The following CHST9 variants were observed in gnomAD, a reference collection of about 807,000 sequenced individuals.
CHST9 encodes GalNAc-4-sulfotransferase 2.
Under a neutral mutation model 44.4 loss-of-function variants are expected in CHST9, and 41 were observed. That is an observed-to-expected ratio of 0.92 (90% confidence interval 0.72 to 1.20). The LOEUF is 1.20. Among genes scored for constraint, CHST9 ranks in the 50% most tolerant of loss-of-function variants. The pLI is 0.00. For missense variants in CHST9, 504 were observed against 516.5 expected, an observed-to-expected ratio of 0.98 and a Z score of 0.23; for synonymous variants, 171 against 178.4, an observed-to-expected ratio of 0.96 and a Z score of 0.33.
At chr18:26,999,879 T>C (rs16943146) in intron 4 of CHST9, among the ~76,000 whole-genome samples, 2,927 of 152,318 alleles carry the variant, frequency 0.019, 110 homozygotes, top group African/African-American at 0.067. Flanking sequence ...ATCAGTTTAG[T>C]TGGGTACTTA....
At chr18:27,146,604 G>C (rs1430440246) in intron 1 of CHST9, among the ~76,000 whole-genome samples, 1 of 152,196 alleles carries the variant, frequency 6.6e-6, no homozygotes, top group Non-Finnish European at 1.5e-5. Flanking sequence ...CATTTCTACA[G>C]CCAAAGGCTT....
At chr18:26,952,333 T>C in intron 4 of CHST9, 1 of 507,602 alleles carries the variant, frequency 2.0e-6, no homozygotes, top group Non-Finnish European at 3.9e-6. Context: ...CCACCAACTA[T>C]GTCCTCAGGC....
intron 4 of CHST9, among the ~76,000 whole-genome samples, chr18:26,984,501 A>G (rs1033266037): frequency 3.9e-5 from 6 of 152,128 alleles, no homozygotes; most frequent in Non-Finnish European, 7.4e-5. Flanking sequence ...CAATAAGGGG[A>G]AAATCTGGTA....
chr18:26,946,555 C>G (rs917430901), intron 4 of CHST9, among the ~76,000 whole-genome samples: 4 of 152,180 alleles, frequency 2.6e-5, no homozygotes, highest in Non-Finnish European at 5.9e-5. Flanking sequence ...TAAGGGGATT[C>G]AGGCAAGTGC....
intron 2 of CHST9, among the ~76,000 whole-genome samples, chr18:27,140,135 C>T (rs752984506): frequency 6.6e-6 from 1 of 152,152 alleles, no homozygotes; most frequent in Non-Finnish European, 1.5e-5. Flanking sequence ...ATAATATTCA[C>T]CTTTTTCCTT....
intron 3 of CHST9, among the ~76,000 whole-genome samples, chr18:27,029,522 T>C (rs1299465342): frequency 6.6e-6 from 1 of 152,134 alleles, no homozygotes; most frequent in African/African-American, 2.4e-5. Context: ...TGAAGTACAG[T>C]TGTCTCTTGG....
At chr18:26,938,523 CCTT>C (rs750784063) in intron 5 of CHST9, among the ~76,000 whole-genome samples, 1 of 152,140 alleles carries the variant, frequency 6.6e-6, no homozygotes, top group African/African-American at 2.4e-5. Flanking sequence ...AAAATTGTCT[CCTT>C]GAGTGCGTGG....
chr18:26,995,294 T>C (rs370964639), intron 4 of CHST9, among the ~76,000 whole-genome samples: 90 of 149,130 alleles, frequency 6.0e-4, no homozygotes, highest in African/African-American at 2.0e-3. Context: ...AAAAATTAGC[T>C]GGGCGTGGTG....
In CHST9 at chr18:26,916,391, A is replaced by G; in HGVS notation, c.1200T>C (p.Ser400=). The change falls in exon 6 of 6, where the codon TCT becomes TCC. Residue 400 remains serine, a synonymous_variant. Coordinates refer to ENST00000618847, the MANE Select transcript of CHST9 (RefSeq NM_031422.6). ...CTTGAGCATTGGTTCTTTCATCGGA[A>G]GAGTGCCTATCCTTAAAGTTGGGAA... ...LKFPNFKDRH[S]SDERTNAQVV... The G allele has an allele frequency of 6.2e-7, 1 of 1,613,812 alleles. No homozygotes were observed. The highest frequency in any genetic ancestry group is 8.5e-7 in the Non-Finnish European group (1 of 1,179,730).
At chr18:26,996,886 G>A (rs2056893929) in intron 4 of CHST9, among the ~76,000 whole-genome samples, 1 of 152,144 alleles carries the variant, frequency 6.6e-6, no homozygotes, top group Admixed American at 6.5e-5. Context: ...AAAAGCAGTA[G>A]AAAATTTGAT....
At chr18:27,118,928 T>C (rs894945998) in intron 2 of CHST9, among the ~76,000 whole-genome samples, 1 of 152,256 alleles carries the variant, frequency 6.6e-6, no homozygotes, top group Non-Finnish European at 1.5e-5. Flanking sequence ...ATTATTTCTA[T>C]TTAACCATTA....
intron 2 of CHST9, among the ~76,000 whole-genome samples, chr18:27,119,985 A>G (rs776419144): frequency 2.0e-5 from 3 of 152,204 alleles, no homozygotes; most frequent in Non-Finnish European, 4.4e-5. Context: ...GATAAATGTT[A>G]TGAAGGAAAG....
At chr18:27,093,154 T>C (rs1331282095) in intron 2 of CHST9, among the ~76,000 whole-genome samples, 2 of 152,204 alleles carry the variant, frequency 1.3e-5, no homozygotes, top group African/African-American at 2.4e-5. Context: ...CATCAGCCCC[T>C]ACTGGGACCT....
At chr18:27,117,074 A>G (rs562272680) in intron 2 of CHST9, among the ~76,000 whole-genome samples, 1 of 151,830 alleles carries the variant, frequency 6.6e-6, no homozygotes, top group African/African-American at 2.4e-5. Flanking sequence ...TATACGTTTC[A>G]TATGAAATTT....
Position 26,916,653 on chromosome 18 carries a change from T to C in CHST9, c.938A>G (p.Tyr313Cys), listed in dbSNP as rs774642167. The C allele has an allele frequency of 6.2e-7, 1 of 1,613,910 alleles. No homozygotes were observed. The highest frequency in any genetic ancestry group is 8.5e-7 in the Non-Finnish European group (1 of 1,179,810). Reference protein sequence around the residue: ...PVFGKAIIKKYRPNACEEALI... With the variant: ...PVFGKAIIKKCRPNACEEALI... ...TGCTTCTTCACAGGCATTTGGTCGA[T>C]ATTTCTTGATAATTGCCTTTCCGAA... The change falls in exon 6 of 6, where the codon TAT (tyrosine) becomes TGT (cysteine). Residue 313 changes from tyrosine to cysteine, a missense_variant. Physicochemically the swap from Tyr to Cys is radical, Grantham distance 194 (BLOSUM62 -2). Transcript: ENST00000618847.
intron 1 of CHST9, among the ~76,000 whole-genome samples, chr18:27,173,142 T>C (rs1474829591): frequency 6.6e-6 from 1 of 152,116 alleles, no homozygotes; most frequent in African/African-American, 2.4e-5. Context: ...TCATTTACTT[T>C]GTCCCTGTCA....
intron 2 of CHST9, among the ~76,000 whole-genome samples, chr18:27,051,581 A>G (rs1463333783): frequency 6.6e-6 from 1 of 152,118 alleles, no homozygotes; most frequent in Non-Finnish European, 1.5e-5. Context: ...TGAGGAACAA[A>G]GGCCTGCCAG....
At chr18:27,092,355 T>C (rs1001413285) in intron 2 of CHST9, among the ~76,000 whole-genome samples, 2 of 152,222 alleles carry the variant, frequency 1.3e-5, no homozygotes, top group Non-Finnish European at 2.9e-5. Flanking sequence ...TCAGTCTTGC[T>C]AGTGGTCTAC....
intron 1 of CHST9, among the ~76,000 whole-genome samples, chr18:27,157,909 G>A (rs2058710508): frequency 6.6e-6 from 1 of 152,000 alleles, no homozygotes. Flanking sequence ...GTTAATTTTA[G>A]TTAGTTTAGT....
Sources: gnomAD v4.1 joint callset for allele counts (sites outside exome capture counted in the v4.1 genomes callset) on GRCh38, gnomAD v4.1.1 for gene constraint, MANE v1.5 for transcripts, NCBI Gene and HGNC (gene_info 2026-07-23, HGNC 2026-07-21) for gene names.